PRRG1: variants seen among roughly 807,000 people sequenced by gnomAD.
The protein encoded by PRRG1 is transmembrane gamma-carboxyglutamic acid protein 1.
Under a neutral mutation model 11.8 loss-of-function variants are expected in PRRG1, and 5 were observed. The ratio of observed to expected loss-of-function variants is 0.42; its 90% CI spans 0.22 to 0.89. The LOEUF is 0.89. PRRG1 is among the 40% of genes least tolerant of loss of function. The pLI, the probability that PRRG1 is intolerant of heterozygous loss-of-function variation, is 0.28. For synonymous variants in PRRG1, 66 were observed against 60.4 expected (o/e 1.09, Z -0.43); for missense variants, 155 against 166.1 (o/e 0.93, Z 0.37).
intron 1 of PRRG1, among the ~76,000 whole-genome samples, chrX:37,377,074 G>A (rs782690574): frequency 9.1e-5 from 10 of 110,409 alleles, no homozygotes; most frequent in Non-Finnish European, 1.5e-4. Flanking sequence ...TGTTTATCTC[G>A]GAAATAAGAT....
At chrX:37,442,476 A>G (rs1933002225) in intron 3 of PRRG1, among the ~76,000 whole-genome samples, 1 of 98,594 alleles carries the variant, frequency 1.0e-5, no homozygotes, top group Non-Finnish European at 2.0e-5. Context: ...GGGTGGGGTG[A>G]GATGGGTGGG....
At position 37,372,528 on chromosome X, in the gene PRRG1, ACTCTTGAC is replaced by A. The variant is rs782256063; in HGVS notation, c.-42+23145_-42+23152del. Among the ~76,000 whole-genome samples the A allele has an allele frequency of 4.3e-3, 477 of 111,070 alleles. 5 individuals carry two copies. The highest frequency in any genetic ancestry group is 0.015 in the African/African-American group (465 of 30,480). On this transcript the variant is annotated intron_variant, in intron 1 of 3. Transcript: ENST00000378628. ...ACCATGTTGACCAGGCTGGTCTTGA[ACTCTTGAC>A]CTCTTGACCTCAAGTGATCCACCTG...
rs6651809 is a variant in PRRG1 at position 37,369,313 on chromosome X, A to G, written c.-42+19918A>G. 6.6e-3 allele frequency among the ~76,000 whole-genome samples: 740 copies of G among 111,697 alleles called. 1 individual carries two copies. Among genetic ancestry groups the G allele is most frequent in the African/African-American group, 0.023 (709 of 30,740 alleles). ...GCTGAATATAAAATTCTGGGTTAAC[A>G]TTTCATTTTTTCATGCTTTAAAGAT... On this transcript the variant is annotated intron_variant, in intron 1 of 3. Coordinates refer to ENST00000378628, the MANE Select transcript of PRRG1 (RefSeq NM_001142395.2).
chrX:37,403,169 A>T (rs1287906656), intron 1 of PRRG1, among the ~76,000 whole-genome samples: 2 of 109,854 alleles, frequency 1.8e-5, no homozygotes, highest in Non-Finnish European at 3.8e-5. Context: ...TGCTATAAAG[A>T]CACATGCACA....
At chrX:37,368,207 G>T (rs1198996425) in intron 1 of PRRG1, among the ~76,000 whole-genome samples, 2 of 112,158 alleles carry the variant, frequency 1.8e-5, no homozygotes, top group Non-Finnish European at 3.8e-5. Context: ...GTAGCTAATA[G>T]AGTTCAGATC....
intron 1 of PRRG1, among the ~76,000 whole-genome samples, chrX:37,354,626 C>T (rs782440481): frequency 2.2e-4 from 24 of 110,016 alleles, no homozygotes; most frequent in African/African-American, 7.3e-4. Context: ...ATCTCCTGAC[C>T]TTGTGATCCG....
chrX:37,421,573 G>T (rs1036263060), intron 2 of PRRG1, among the ~76,000 whole-genome samples: 1 of 111,941 alleles, frequency 8.9e-6, no homozygotes, highest in Non-Finnish European at 1.9e-5. Flanking sequence ...AGCCCTTGCA[G>T]CCTGGAAATT....
At chrX:37,447,810 AAG>A (rs1298370876) in intron 3 of PRRG1, among the ~76,000 whole-genome samples, 1 of 112,562 alleles carries the variant, frequency 8.9e-6, no homozygotes, top group Non-Finnish European at 1.9e-5. Flanking sequence ...GAGTTTTAGC[AAG>A]AAGAAACCAC....
intron 3 of PRRG1, chrX:37,442,363 G>A (rs1322736938): frequency 2.8e-6 from 1 of 356,465 alleles, no homozygotes; most frequent in Non-Finnish European, 3.6e-6. Context: ...CAGGATCTGT[G>A]GGGGTGGAGG....
At chrX:37,453,092 T>C in intron 3 of PRRG1, 44 bp from the exon 4 acceptor site, 1 of 1,120,210 alleles carries the variant, frequency 8.9e-7, no homozygotes, top group Non-Finnish European at 1.2e-6. Context: ...TTTTCCATCT[T>C]TTATTCATAC....
chrX:37,417,316 C>G (rs1167904627), intron 2 of PRRG1, among the ~76,000 whole-genome samples: 1 of 110,823 alleles, frequency 9.0e-6, no homozygotes, highest in African/African-American at 3.3e-5. Context: ...CTGCAACTTC[C>G]AATTATTTTT....
At position 37,354,501 on chromosome X, in the gene PRRG1, T is replaced by G. The variant is rs535833287; in HGVS notation, c.-42+5106T>G. 9.7e-4 allele frequency among the ~76,000 whole-genome samples: 106 copies of G among 108,954 alleles called. 1 individual carries two copies. The South Asian group carries it at 0.041, about 42-fold the overall frequency. 94.6% of individuals were successfully genotyped at this position (108,954 alleles called of 115,157 possible). ...TCTGCCTCCTGGGTTCACGCCATTC[T>G]CCTGCCTCAGCCTCCCAAGTAGCTG... On this transcript the variant is annotated intron_variant, in intron 1 of 3. Transcript: ENST00000378628.
intron 1 of PRRG1, among the ~76,000 whole-genome samples, chrX:37,362,392 T>G (rs1930440262): frequency 9.1e-6 from 1 of 110,480 alleles, no homozygotes; most frequent in South Asian, 3.8e-4. Flanking sequence ...GGTAGTCATT[T>G]TTTTTTTTTT....
chrX:37,403,198 C>G (rs1264302973), intron 1 of PRRG1, among the ~76,000 whole-genome samples: 1 of 109,671 alleles, frequency 9.1e-6, no homozygotes, highest in South Asian at 4.0e-4. Flanking sequence ...TATTGTGGCA[C>G]TATTCACAAT....
intron 1 of PRRG1, among the ~76,000 whole-genome samples, chrX:37,402,600 A>T (rs1556380759): frequency 8.9e-6 from 1 of 111,859 alleles, no homozygotes; most frequent in Non-Finnish European, 1.9e-5. Flanking sequence ...AAAACACCAA[A>T]AGCAATGGCA....
At chrX:37,417,436 C>T (rs1051136185) in intron 2 of PRRG1, among the ~76,000 whole-genome samples, 2 of 110,951 alleles carry the variant, frequency 1.8e-5, no homozygotes, top group African/African-American at 3.3e-5. Flanking sequence ...CACATGAGTA[C>T]CACCATACAA....
At chrX:37,446,505 T>A (rs1205913672) in intron 3 of PRRG1, among the ~76,000 whole-genome samples, 1 of 111,918 alleles carries the variant, frequency 8.9e-6, no homozygotes, top group Admixed American at 9.5e-5. Context: ...GTAAAATATA[T>A]AAAATGATAT....
chrX:37,387,586 C>T (rs988985681), intron 1 of PRRG1, among the ~76,000 whole-genome samples: 5 of 110,906 alleles, frequency 4.5e-5, no homozygotes, highest in Admixed American at 1.9e-4. Context: ...AATCAGATCT[C>T]GGGAGAACTC....
At chrX:37,350,052 C>A (rs868940175) in intron 1 of PRRG1, among the ~76,000 whole-genome samples, 1 of 9,015 alleles carries the variant, frequency 1.1e-4, no homozygotes, top group Non-Finnish European at 2.1e-4. Flanking sequence ...GATGGGAGAG[C>A]GGGGGGAGGG....
Sources: allele counts gnomAD v4.1 joint callset (sites outside exome capture counted in the v4.1 genomes callset), GRCh38; gene constraint gnomAD v4.1.1; transcripts MANE v1.5; gene names NCBI Gene and HGNC (gene_info 2026-07-23, HGNC 2026-07-21).